Variants in TTC21A observed in about 807,000 individuals in gnomAD.
TTC21A encodes the protein tetratricopeptide repeat domain 21A.
A neutral mutation model predicts 156.4 loss-of-function variants in TTC21A; 128 were observed. The observed-to-expected ratio is 0.82, with a 90% CI of 0.71 to 0.95. The LOEUF (loss-of-function observed/expected upper bound fraction) is 0.95, where lower values mean the gene tolerates loss of function less well. TTC21A is among the 40% of genes least tolerant of loss of function. The pLI is 0.00. For synonymous variants in TTC21A, 587 were observed against 617.1 expected (o/e 0.95, Z 0.72); for missense variants, 1,435 against 1,602.3 (o/e 0.90, Z 1.78).
At chr3:39,124,994 C>T (rs951049290) in intron 9 of TTC21A, 69 bp from the exon 10 acceptor site, 5 of 1,018,750 alleles carry the variant, frequency 4.9e-6, no homozygotes, top group East Asian at 2.4e-5. Flanking sequence ...TATCCATGCC[C>T]CTTGACCTGA....
chr3:39,138,672 C>A (rs1476356957), intron 28 of TTC21A, 39 bp from the exon 29 acceptor site: 11 of 1,613,764 alleles, frequency 6.8e-6, no homozygotes, highest in Non-Finnish European at 9.3e-6. Context: ...GGTGGGGAAA[C>A]CTGCATGATA....
rs1198925206 is a variant in TTC21A, at chr3:39,130,278, G to A, written c.2239G>A (p.Ala747Thr). 2 of 1,613,952 alleles carry A rather than the reference G, an allele frequency of 1.2e-6. No homozygotes were observed. Among genetic ancestry groups the A allele is most frequent in the Admixed American group, 3.3e-5 (2 of 60,004 alleles). The change falls in exon 17 of 29, where the codon GCC becomes ACC. Residue 747 changes from alanine (A) to threonine (T), a missense_variant. Ala to Thr is a moderately conservative substitution (Grantham distance 58). Coordinates refer to ENST00000683103, the MANE Select transcript of TTC21A (RefSeq NM_001366900.1). The surrounding 1 kb of genome is among the most constrained non-coding windows in gnomAD (Gnocchi z 4.5). Reference sequence around the variant, plus strand: ...GAAGGCCCTGGAGGTCTATGATGAGGCCTATAGACAGAACCCACATGACGC... The same window carrying A: ...GAAGGCCCTGGAGGTCTATGATGAGACCTATAGACAGAACCCACATGACGC... Reference protein sequence around the residue: ...PEKALEVYDEAYRQNPHDASL... With the variant: ...PEKALEVYDETYRQNPHDASL...
Position 39,137,023 on chromosome 3 carries a change from G to C in TTC21A, c.3220G>C (p.Gly1074Arg), listed in dbSNP as rs751339508. 6.2e-7 allele frequency: 1 copy of C among 1,613,716 alleles called. No homozygotes were observed. The highest frequency in any genetic ancestry group is 8.5e-7 in the Non-Finnish European group (1 of 1,179,910). Residue 1074 changes from glycine to arginine, a missense_variant, in exon 24 of 29, where the codon GGC (glycine) becomes CGC (arginine). Transcript: ENST00000683103. Reference sequence around the variant, plus strand: ...TCTGAATCCAGACAACGAGGTTGTGGGCGGAGAGGCTTTTGAGAACCAGGG... The same window carrying C: ...TCTGAATCCAGACAACGAGGTTGTGCGCGGAGAGGCTTTTGAGAACCAGGG... The part of the protein sequence containing the change: ...ICLNPDNEVV[G>R]GEAFENQGAE...
chr3:39,121,646 C>A (rs1450994374), intron 9 of TTC21A, among the ~76,000 whole-genome samples: 2 of 152,234 alleles, frequency 1.3e-5, no homozygotes, highest in African/African-American at 4.8e-5. Flanking sequence ...CCCTGTCTGT[C>A]CAGGTGACTT....
intron 6 of TTC21A, among the ~76,000 whole-genome samples, chr3:39,116,962 A>C (rs1414640988): frequency 6.6e-6 from 1 of 152,132 alleles, no homozygotes; most frequent in Non-Finnish European, 1.5e-5. Context: ...CCACCTCAGC[A>C]TCCCAAAATG....
At position 39,110,854 on chromosome 3, in the gene TTC21A, G is replaced by A. The variant is rs1112438; in HGVS notation, c.272G>A (p.Arg91Gln). ...TCCTTCGCTCTTGGATTTACAGACC[G>A]AGAAGCAATTCAGGAGCTTGAGTAC... ...YAHKRCEIID[R>Q]EAIQELEYSL... is the part of the protein sequence containing the mutation. Residue 91 changes from arginine (R) to glutamine (Q), a missense_variant, in exon 4 of 29, where the codon CGA becomes CAA. Coordinates refer to ENST00000683103, the MANE Select transcript of TTC21A (RefSeq NM_001366900.1). 458,089 of 1,613,108 alleles carry A rather than the reference G, an allele frequency of 0.28. 67,845 individuals carry two copies. Among genetic ancestry groups the A allele is most frequent in the African/African-American group, 0.52 (38,690 of 74,928 alleles).
At chr3:39,114,378 C>T (rs551068969) in intron 5 of TTC21A, among the ~76,000 whole-genome samples, 13 of 152,252 alleles carry the variant, frequency 8.5e-5, no homozygotes, top group African/African-American at 2.9e-4. Context: ...TCATCCTGTC[C>T]GAGAACCCAA....
In TTC21A at chr3:39,136,990, C is replaced by T; in HGVS notation, c.3187C>T (p.Gln1063Ter). 1.9e-6 allele frequency: 3 copies of T among 1,614,126 alleles called. No individual in the cohort carries two copies. Among genetic ancestry groups the T allele is most frequent in the Non-Finnish European group, 2.5e-6 (3 of 1,180,014 alleles). ...CCAGAGCGCCATCTACCACATGGTG[C>T]AGATCTGTCTGAATCCAGACAACGA... is the stretch of plus-strand genomic sequence containing the variant. ...WGQSAIYHMV[Q>*]ICLNPDNEVV... is the part of the protein sequence containing the mutation. The change falls in exon 24 of 29, where the codon CAG becomes TAG. Residue 1063 changes from glutamine to a stop codon, truncating the protein, a stop_gained. Coordinates refer to ENST00000683103, the MANE Select transcript of TTC21A (RefSeq NM_001366900.1). LOFTEE classifies it high-confidence loss of function.
chr3:39,121,677 G>A (rs985046234), intron 9 of TTC21A, among the ~76,000 whole-genome samples: 2 of 152,156 alleles, frequency 1.3e-5, no homozygotes, highest in Non-Finnish European at 2.9e-5. Context: ...TTCTATAAAT[G>A]CCAAATGAAC....
chr3:39,118,537 A>G (rs1307002746), intron 7 of TTC21A: 1 of 226,778 alleles, frequency 4.4e-6, no homozygotes, highest in Non-Finnish European at 8.7e-6. Flanking sequence ...CAGTAATTCC[A>G]TCAATGTTAA....
Position 39,125,625 on chromosome 3 carries a change from A to G in TTC21A, c.1392+93A>G, listed in dbSNP as rs1041690690. ...ACAGAGGCAAGGACCTTACTTGGCCAGTCACAAGTAAGGATGGGGTGAGCC... is the reference window on the plus strand; with the variant it reads ...ACAGAGGCAAGGACCTTACTTGGCCGGTCACAAGTAAGGATGGGGTGAGCC... On this transcript the variant is annotated intron_variant, in intron 11 of 28. Coordinates refer to ENST00000683103, the MANE Select transcript of TTC21A (RefSeq NM_001366900.1). 6.4e-6 allele frequency: 6 copies of G among 937,262 alleles called. No individual in the cohort carries two copies. In the African/African-American group the frequency reaches 9.7e-5, roughly 15 times the overall value. The allele number at this position is 937,262 out of a possible 1,614,324, so 58.1% of individuals were successfully genotyped here.
At chr3:39,120,969 C>T (rs756839385) in intron 8 of TTC21A, 28 bp from the exon 9 acceptor site, 1 of 1,571,364 alleles carries the variant, frequency 6.4e-7, no homozygotes, top group Non-Finnish European at 8.7e-7. Context: ...GACTGGTTTC[C>T]CAATTCCCAC....
chr3:39,120,084 TG>T, intron 8 of TTC21A, 64 bp downstream of exon 8: 1 of 1,256,510 alleles, frequency 8.0e-7, no homozygotes, highest in South Asian at 1.2e-5. Context: ...AGGAGAACTG[TG>T]CTCCCCCAGG....
intron 27 of TTC21A, 46 bp from the exon 28 acceptor site, chr3:39,138,510 C>G: frequency 1.2e-6 from 2 of 1,613,926 alleles, no homozygotes; most frequent in Non-Finnish European, 1.7e-6. Context: ...GAGGGGTTCT[C>G]AGGTCACCAG....
In TTC21A at chr3:39,135,074, T is replaced by G. The variant is rs1236338481; in HGVS notation, c.2863-19T>G. On this transcript the variant is annotated intron_variant, in intron 21 of 28. Transcript: ENST00000683103. The stretch of plus-strand genomic sequence containing the variant: ...CTGCCACTGTTGGGAAATCTGGAGC[T>G]TTGTGTGTTTTCTGATAGTTGATGG... 2 of 1,609,704 alleles carry G rather than the reference T, an allele frequency of 1.2e-6. No individual in the cohort carries two copies. The highest frequency in any genetic ancestry group is 3.3e-5 in the Admixed American group (2 of 59,904).
In TTC21A at chr3:39,135,079, G is replaced by T. The variant is rs1182305147; in HGVS notation, c.2863-14G>T. The T allele has an allele frequency of 2.5e-6, 4 of 1,612,864 alleles. No homozygotes were observed. Among genetic ancestry groups the T allele is most frequent in the Non-Finnish European group, 3.4e-6 (4 of 1,179,296 alleles). On this transcript the variant is annotated splice_polypyrimidine_tract_variant and intron_variant, in intron 21 of 28. Transcript: ENST00000683103. ...ACTGTTGGGAAATCTGGAGCTTTGT[G>T]TGTTTTCTGATAGTTGATGGCTGAC... is the stretch of plus-strand genomic sequence containing the variant.
At chr3:39,109,268 C>T (rs2036576634) in intron 2 of TTC21A, 54 bp downstream of exon 2, 3 of 1,578,656 alleles carry the variant, frequency 1.9e-6, no homozygotes, top group African/African-American at 2.7e-5. Context: ...TGGGCCCTAA[C>T]ACTCTGGCTC....
At position 39,121,045 on chromosome 3, in the gene TTC21A, C is replaced by T. The variant is rs750107530; in HGVS notation, c.949C>T (p.Arg317Cys). 4.5e-5 allele frequency: 73 copies of T among 1,613,424 alleles called. No homozygotes were observed. In the Admixed American group the frequency reaches 7.3e-4, roughly 16 times the overall value. The change falls in exon 9 of 29, where the codon CGC becomes TGC. Residue 317 changes from arginine to cysteine, a missense_variant. Arg to Cys is a radical substitution (Grantham distance 180). Transcript: ENST00000683103. ...ILGLVCSFIE[R>C]TFMATPSYVH... ...AGGGCTAGTGTGTAGTTTCATCGAG[C>T]GCACCTTCATGGCCACCCCCTCGTA...
intron 1 of TTC21A, among the ~76,000 whole-genome samples, chr3:39,108,816 C>T (rs1381621817): frequency 1.3e-5 from 2 of 152,222 alleles, no homozygotes. Flanking sequence ...AAGACAAAGC[C>T]TTGGTTGAAT....
Sources: allele counts gnomAD v4.1 joint callset (sites outside exome capture counted in the v4.1 genomes callset), GRCh38; gene constraint gnomAD v4.1.1; non-coding constraint Gnocchi (gnomAD v3.1); transcripts MANE v1.5; gene names NCBI Gene and HGNC (gene_info 2026-07-23, HGNC 2026-07-21).